CACNG2: variants seen among roughly 807,000 people sequenced by gnomAD.
CACNG2 encodes voltage-dependent calcium channel gamma-2 subunit.
A neutral mutation model predicts 25.9 loss-of-function variants in CACNG2; 3 were observed. The observed-to-expected ratio is 0.12, with a 90% CI of 0.05 to 0.30. The LOEUF is 0.30. Ranked by LOEUF, CACNG2 falls within the 10% of genes least tolerant of loss-of-function variation. The pLI, the probability that CACNG2 is intolerant of heterozygous loss-of-function variation, is 1.00. For synonymous variants in CACNG2, 167 were observed against 173.3 expected, an observed-to-expected ratio of 0.96 and a Z score of 0.29; for missense variants, 341 against 432.5, an observed-to-expected ratio of 0.79 and a Z score of 1.88.
chr22:36,671,602 G>A (rs1472758961), intron 1 of CACNG2, among the ~76,000 whole-genome samples: 5 of 152,182 alleles, frequency 3.3e-5, no homozygotes, highest in Non-Finnish European at 5.9e-5. Context: ...GCAAAGCACT[G>A]AATCGCCAAC....
chr22:36,592,700 T>G (rs553025467), intron 1 of CACNG2, among the ~76,000 whole-genome samples: 2 of 152,214 alleles, frequency 1.3e-5, no homozygotes, highest in South Asian at 4.1e-4. Context: ...AGCTAAATGA[T>G]GGCTTGACTG....
chr22:36,598,514 A>G (rs1935708896), intron 1 of CACNG2, among the ~76,000 whole-genome samples: 1 of 151,724 alleles, frequency 6.6e-6, no homozygotes, highest in Non-Finnish European at 1.5e-5. Context: ...GCTACTCGGG[A>G]GGCTGAGGCC....
At chr22:36,598,943 A>C (rs1247441483) in intron 1 of CACNG2, among the ~76,000 whole-genome samples, 1 of 152,160 alleles carries the variant, frequency 6.6e-6, no homozygotes. Flanking sequence ...ATGTCACTGC[A>C]CTCCAGCCTG....
At chr22:36,668,283 C>T (rs545857011) in intron 1 of CACNG2, among the ~76,000 whole-genome samples, 2 of 152,222 alleles carry the variant, frequency 1.3e-5, no homozygotes, top group African/African-American at 4.8e-5. Flanking sequence ...TCCCATGTAC[C>T]TCCCCATCTC....
rs368886617 is a variant in CACNG2, at chr22:36,693,133, G to A, written c.211+9233C>T. Among the ~76,000 whole-genome samples the A allele has an allele frequency of 4.9e-4, 74 of 152,292 alleles. No homozygotes were observed. In the South Asian group the frequency reaches 0.013, roughly 28 times the overall value. On this transcript the variant is annotated intron_variant, in intron 1 of 3. Coordinates refer to ENST00000300105, the MANE Select transcript of CACNG2 (RefSeq NM_006078.5). ...TGCACTCCAGCCTGGGGAACAGAGCGAGACTCTGTCTAAAAAAAAGAAAAA... is the reference window on the plus strand; with the variant it reads ...TGCACTCCAGCCTGGGGAACAGAGCAAGACTCTGTCTAAAAAAAAGAAAAA...
rs187336943 is a variant in CACNG2 at position 36,619,623 on chromosome 22, T to G, written c.212-32075A>C. ...ACATCAGTTGACAGTAGTCCCATCA[T>G]CCACCTTGCCTCTGTTCTTTTCTCC... is the stretch of plus-strand genomic sequence containing the variant. On this transcript the variant is annotated intron_variant, in intron 1 of 3. Transcript: ENST00000300105. Among the ~76,000 whole-genome samples, 29 of 152,352 alleles carry G rather than the reference T, an allele frequency of 1.9e-4. No homozygotes were observed. In the East Asian group the frequency reaches 5.6e-3, roughly 29 times the overall value.
At chr22:36,569,246 G>C (rs183469072) in intron 2 of CACNG2, among the ~76,000 whole-genome samples, 1 of 152,214 alleles carries the variant, frequency 6.6e-6, no homozygotes, top group African/African-American at 2.4e-5. Flanking sequence ...GTCCGGCAGG[G>C]TGTGTTTTTT....
intron 1 of CACNG2, among the ~76,000 whole-genome samples, chr22:36,618,479 C>A (rs1029985474): frequency 6.6e-6 from 1 of 152,244 alleles, no homozygotes; most frequent in Admixed American, 6.5e-5. Context: ...CCAGGGCTTA[C>A]CTTTCTCTAG....
At chr22:36,686,075 T>A (rs1251120656) in intron 1 of CACNG2, among the ~76,000 whole-genome samples, 4 of 152,242 alleles carry the variant, frequency 2.6e-5, no homozygotes, top group Non-Finnish European at 5.9e-5. Flanking sequence ...AGGAAGTGTC[T>A]GGATCTTTGC....
At chr22:36,595,113 G>A (rs932763237) in intron 1 of CACNG2, among the ~76,000 whole-genome samples, 2 of 151,100 alleles carry the variant, frequency 1.3e-5, no homozygotes, top group African/African-American at 4.9e-5. Flanking sequence ...GCATGGGTGT[G>A]TGTGTGTCTA....
chr22:36,676,574 C>T (rs1937022778), intron 1 of CACNG2, among the ~76,000 whole-genome samples: 1 of 152,218 alleles, frequency 6.6e-6, no homozygotes. Context: ...CTGCGAAGCC[C>T]AGGGCTTGGA....
intron 1 of CACNG2, among the ~76,000 whole-genome samples, chr22:36,668,107 C>T (rs779451126): frequency 4.6e-5 from 7 of 152,294 alleles, no homozygotes; most frequent in East Asian, 1.9e-4. Flanking sequence ...CACTGCTTTC[C>T]GGGGCCTGCA....
intron 1 of CACNG2, among the ~76,000 whole-genome samples, chr22:36,671,547 C>T (rs141108266): frequency 2.6e-5 from 4 of 152,204 alleles, no homozygotes; most frequent in African/African-American, 9.7e-5. Context: ...GAAACAGTTA[C>T]CCAGTGTCTT....
At chr22:36,679,202 CTTTCTTT>C (rs1569049871) in intron 1 of CACNG2, among the ~76,000 whole-genome samples, 88 of 66,218 alleles carry the variant, frequency 1.3e-3, no homozygotes, top group African/African-American at 3.6e-3. Context: ...TCCTTCCTTT[CTTTCTTT>C]CTTTCTTTCT....
At chr22:36,610,824 A>G (rs1490072805) in intron 1 of CACNG2, among the ~76,000 whole-genome samples, 2 of 152,046 alleles carry the variant, frequency 1.3e-5, no homozygotes, top group Non-Finnish European at 2.9e-5. Flanking sequence ...TGTGTGGGAG[A>G]GGTAGGGGTT....
At chr22:36,624,720 G>A (rs1446618669) in intron 1 of CACNG2, among the ~76,000 whole-genome samples, 1 of 151,998 alleles carries the variant, frequency 6.6e-6, no homozygotes, top group Non-Finnish European at 1.5e-5. Context: ...TGGGGTGAGA[G>A]ACCCTCTTGA....
chr22:36,637,743 G>T (rs1936379888), intron 1 of CACNG2, among the ~76,000 whole-genome samples: 2 of 152,172 alleles, frequency 1.3e-5, no homozygotes, highest in Non-Finnish European at 2.9e-5. Flanking sequence ...TTCCTGGCCA[G>T]GTGCGGTGGC....
chr22:36,592,637 C>G (rs1032402481), intron 1 of CACNG2, among the ~76,000 whole-genome samples: 2 of 152,062 alleles, frequency 1.3e-5, no homozygotes, highest in Admixed American at 1.3e-4. Flanking sequence ...CCCAAATCAC[C>G]GATTGGTTTT....
intron 1 of CACNG2, among the ~76,000 whole-genome samples, chr22:36,615,903 G>A (rs541251859): frequency 6.6e-6 from 1 of 152,314 alleles, no homozygotes; most frequent in South Asian, 2.1e-4. Flanking sequence ...TGCATGTCAA[G>A]GTATGAAAGT....
Sources: allele counts gnomAD v4.1 joint callset (sites outside exome capture counted in the v4.1 genomes callset), GRCh38; gene constraint gnomAD v4.1.1; transcripts MANE v1.5; gene names NCBI Gene and HGNC (gene_info 2026-07-23, HGNC 2026-07-21).